The following ROBO2 variants were observed in gnomAD, a reference collection of about 807,000 sequenced individuals.
ROBO2 encodes roundabout homolog 2.
In ROBO2, 53 loss-of-function variants were observed where a neutral mutation model predicts 160.8. The ratio of observed to expected loss-of-function variants is 0.33; its 90% confidence interval spans 0.26 to 0.41. The LOEUF is 0.41. Ranked by LOEUF, ROBO2 falls within the 10% of genes least tolerant of loss-of-function variation. ROBO2 has a pLI of 1.00. For synonymous variants in ROBO2, 664 were observed against 611.7 expected (o/e 1.09, Z -1.26); for missense variants, 1,577 against 1,722.4 (o/e 0.92, Z 1.49).
rs1455374523 is a variant in ROBO2 at position 77,019,734 on chromosome 3, TGCAA to T, written c.110-78278_110-78275del. ...AATAATTTTTGGTGACCCTTTCCTC[TGCAA>T]GTATTTGTAACTAAGAAATTTGAAA... On this transcript the variant is annotated intron_variant, in intron 2 of 26. Transcript: ENST00000487694. Among the ~76,000 whole-genome samples, 104 of 152,330 alleles carry T rather than the reference TGCAA, an allele frequency of 6.8e-4. 1 individual carries two copies. The highest frequency in any genetic ancestry group is 1.3e-4 in the Non-Finnish European group (9 of 68,026).
intron 16 of ROBO2, among the ~76,000 whole-genome samples, chr3:77,582,542 T>G (rs1044603198): frequency 6.6e-6 from 1 of 152,138 alleles, no homozygotes; most frequent in Non-Finnish European, 1.5e-5. Context: ...TCCTGCTTTC[T>G]TTTGATAAAA....
chr3:76,567,620 G>GATAT (rs1201854439), intron 2 of ROBO2, among the ~76,000 whole-genome samples: 1,458 of 33,028 alleles, frequency 0.044, 40 homozygotes, highest in Admixed American at 0.055. Context: ...CCAAACTACT[G>GATAT]ATATATATAT....
At chr3:77,098,096 G>T in exon 2 of ROBO2, 2 of 1,610,510 alleles carry the variant, frequency 1.2e-6, no homozygotes, top group Non-Finnish European at 1.7e-6. Flanking sequence ...GCGAGCCCAC[G>T]ACTCTGAACT....
chr3:76,052,119 A>C (rs2067677612), intron 2 of ROBO2, among the ~76,000 whole-genome samples: 1 of 152,150 alleles, frequency 6.6e-6, no homozygotes, highest in Non-Finnish European at 1.5e-5. Context: ...CCTATGTGTG[A>C]ACAACAATGT....
intron 2 of ROBO2, among the ~76,000 whole-genome samples, chr3:76,527,515 T>C (rs2082010122): frequency 6.6e-6 from 1 of 152,142 alleles, no homozygotes; most frequent in Non-Finnish European, 1.5e-5. Flanking sequence ...TGCTCCTCAG[T>C]GACCCAAACC....
intron 2 of ROBO2, among the ~76,000 whole-genome samples, chr3:76,727,328 A>T (rs899738584): frequency 1.3e-4 from 20 of 152,192 alleles, no homozygotes; most frequent in African/African-American, 4.8e-4. Flanking sequence ...AATAGAAAGG[A>T]AGACAGAAGC....
At chr3:75,976,161 A>G (rs1382704279) in intron 2 of ROBO2, among the ~76,000 whole-genome samples, 1 of 151,504 alleles carries the variant, frequency 6.6e-6, no homozygotes, top group Non-Finnish European at 1.5e-5. Context: ...TTAAAAAGAA[A>G]CTCTACCAAA....
chr3:76,031,345 A>G lies in ROBO2; in HGVS notation c.109+93743A>G, dbSNP rs534787794. Among the ~76,000 whole-genome samples, 78 of 152,202 alleles carry G rather than the reference A, an allele frequency of 5.1e-4. No homozygotes were observed. The South Asian group carries it at 0.016, about 31-fold the overall frequency. On this transcript the variant is annotated intron_variant, in intron 2 of 26. Transcript: ENST00000487694. ...TGAATTCCTCTTTTCCTAATTGAATACCCTTTATTTCTTTCTCTTGCCTGA... is the reference window on the plus strand; with the variant it reads ...TGAATTCCTCTTTTCCTAATTGAATGCCCTTTATTTCTTTCTCTTGCCTGA...
At chr3:77,074,988 G>C (rs899188685) in intron 1 of ROBO2, among the ~76,000 whole-genome samples, 1 of 152,024 alleles carries the variant, frequency 6.6e-6, no homozygotes, top group Non-Finnish European at 1.5e-5. Context: ...TATATTTGTC[G>C]TATTACTTAA....
intron 2 of ROBO2, among the ~76,000 whole-genome samples, chr3:77,189,666 G>T (rs1343055817): frequency 2.0e-5 from 3 of 151,876 alleles, no homozygotes; most frequent in Non-Finnish European, 4.4e-5. Flanking sequence ...ATGTAAGCGG[G>T]TATATGAGTA....
At chr3:76,599,669 G>C (rs1030978550) in intron 2 of ROBO2, among the ~76,000 whole-genome samples, 7 of 152,166 alleles carry the variant, frequency 4.6e-5, no homozygotes, top group Admixed American at 1.3e-4. Context: ...CCCACCAACA[G>C]TGTATAAGCA....
intron 2 of ROBO2, among the ~76,000 whole-genome samples, chr3:76,139,746 G>T (rs1308944489): frequency 6.6e-6 from 1 of 152,044 alleles, no homozygotes; most frequent in Admixed American, 6.6e-5. Flanking sequence ...CTGAAGCATT[G>T]TCTGCATCGA....
chr3:77,463,522 G>A (rs998668180), intron 2 of ROBO2, among the ~76,000 whole-genome samples: 1 of 151,790 alleles, frequency 6.6e-6, no homozygotes, highest in Non-Finnish European at 1.5e-5. Flanking sequence ...AGACATTAAG[G>A]CCTGAAAAAT....
chr3:76,014,783 C>T (rs888710201), intron 2 of ROBO2, among the ~76,000 whole-genome samples: 1 of 152,132 alleles, frequency 6.6e-6, no homozygotes, highest in African/African-American at 2.4e-5. Context: ...TAAAAGTTGG[C>T]TGGGTGCAGT....
intron 2 of ROBO2, among the ~76,000 whole-genome samples, chr3:77,301,400 A>G (rs1001445489): frequency 6.6e-6 from 1 of 152,130 alleles, no homozygotes; most frequent in Non-Finnish European, 1.5e-5. Flanking sequence ...TTATGAAACA[A>G]TGTACAGTGG....
At chr3:77,634,759 T>C in intron 23 of ROBO2, 111 bp from the exon 25 acceptor site, 1 of 1,004,548 alleles carries the variant, frequency 1.0e-6, no homozygotes, top group Non-Finnish European at 1.6e-6. Flanking sequence ...GGTATCTTCA[T>C]ATGTTATCTC....
chr3:77,317,590 C>A, intron 2 of ROBO2: 2 of 1,216,936 alleles, frequency 1.6e-6, no homozygotes, highest in Non-Finnish European at 2.3e-6. Context: ...GATCGGCATA[C>A]GTGGGTGGCA....
chr3:77,294,595 G>T, intron 2 of ROBO2, among the ~76,000 whole-genome samples: 1 of 148,298 alleles, frequency 6.7e-6, no homozygotes, highest in Admixed American at 6.6e-5. Flanking sequence ...GCTGAGGCTA[G>T]ATCATCAAAG....
intron 2 of ROBO2, among the ~76,000 whole-genome samples, chr3:76,369,979 A>G (rs1283999228): frequency 6.6e-6 from 1 of 151,982 alleles, no homozygotes. Context: ...CAAGAACAAT[A>G]TTTTTAAAAC....
Sources: gnomAD v4.1 joint callset for allele counts (sites outside exome capture counted in the v4.1 genomes callset) on GRCh38, gnomAD v4.1.1 for gene constraint, MANE v1.5 for transcripts, NCBI Gene and HGNC (gene_info 2026-07-23, HGNC 2026-07-21) for gene names.